The following STS variants were observed in gnomAD, a reference collection of about 807,000 sequenced individuals.
STS encodes the protein steryl-sulfatase.
A neutral mutation model predicts 26.8 loss-of-function variants in STS; 7 were observed. That is an observed-to-expected ratio of 0.26 (90% CI 0.15 to 0.49). STS has a LOEUF of 0.49. Among genes scored for constraint, STS ranks in the 20% least tolerant of loss-of-function variants. The pLI, the probability that STS is intolerant of heterozygous loss-of-function variation, is 0.98. For missense variants in STS, 434 were observed against 465.6 expected (o/e 0.93, Z 0.63); for synonymous variants, 199 against 189.4 (o/e 1.05, Z -0.42).
At chrX:7,216,894 G>A (rs1191087075) in intron 2 of STS, among the ~76,000 whole-genome samples, 1 of 111,716 alleles carries the variant, frequency 9.0e-6, no homozygotes, top group African/African-American at 3.3e-5. Flanking sequence ...GTGGGAGGAT[G>A]TTAAGGAGTA....
At chrX:7,306,074 T>A (rs772600458) in intron 8 of STS, among the ~76,000 whole-genome samples, 6 of 111,598 alleles carry the variant, frequency 5.4e-5, no homozygotes, top group Non-Finnish European at 1.1e-4. Flanking sequence ...ATCATGCTAG[T>A]CATTGGAGAT....
intron 2 of STS, among the ~76,000 whole-genome samples, chrX:7,204,422 C>T (rs1164026443): frequency 1.8e-5 from 2 of 110,903 alleles, no homozygotes; most frequent in Admixed American, 9.6e-5. Flanking sequence ...TTGTCTTTTG[C>T]CATTTTAAAA....
At position 7,212,142 on chromosome X, in the gene STS, G is replaced by A. The variant is rs750212626; in HGVS notation, c.-5+21134G>A. Among the ~76,000 whole-genome samples, 102 of 111,912 alleles carry A rather than the reference G, an allele frequency of 9.1e-4. 1 individual carries two copies. The highest frequency in any genetic ancestry group is 2.9e-3 in the African/African-American group (89 of 30,837). Reference sequence around the variant, plus strand: ...ATATGGCTAATGGAAGATGTGAATTGAGAAGGGGATGTGGTTATTAATGAT... The same window carrying A: ...ATATGGCTAATGGAAGATGTGAATTAAGAAGGGGATGTGGTTATTAATGAT... On this transcript the variant is annotated intron_variant, in intron 2 of 10. Coordinates refer to ENST00000674429, the MANE Select transcript of STS (RefSeq NM_001320752.2).
chrX:7,239,156 T>C (rs1458578586), intron 2 of STS, among the ~76,000 whole-genome samples: 1 of 111,925 alleles, frequency 8.9e-6, no homozygotes, highest in African/African-American at 3.2e-5. Flanking sequence ...ACATTTATTT[T>C]AGAAAAATCA....
intron 2 of STS, among the ~76,000 whole-genome samples, chrX:7,198,868 C>T (rs1480452809): frequency 8.9e-6 from 1 of 111,889 alleles, no homozygotes; most frequent in South Asian, 3.7e-4. Context: ...TCCAGTGAAC[C>T]TACCCAAGAT....
intron 1 of STS, among the ~76,000 whole-genome samples, chrX:7,185,917 C>T (rs1933764581): frequency 8.9e-6 from 1 of 112,497 alleles, no homozygotes; most frequent in South Asian, 3.7e-4. Flanking sequence ...GTTAACACAA[C>T]CAAGGACTGT....
At chrX:7,152,257 T>G (rs1347295365) in intron 1 of STS, among the ~76,000 whole-genome samples, 1 of 111,880 alleles carries the variant, frequency 8.9e-6, no homozygotes, top group Non-Finnish European at 1.9e-5. Flanking sequence ...CGGCCAGGAT[T>G]ATTATTTTAA....
chrX:7,296,699 C>T (rs1925683651), intron 7 of STS, among the ~76,000 whole-genome samples: 1 of 112,289 alleles, frequency 8.9e-6, no homozygotes, highest in African/African-American at 3.2e-5. Context: ...TAAATTATTT[C>T]CAGCAAATGC....
intron 6 of STS, among the ~76,000 whole-genome samples, chrX:7,271,460 C>T: frequency 9.0e-6 from 1 of 110,951 alleles, no homozygotes; most frequent in Non-Finnish European, 1.9e-5. Flanking sequence ...AGCTCTCTAA[C>T]ATACTGTGGC....
rs140152695 is a variant in STS, at chrX:7,318,996, A to G, written c.1082-6343A>G. ...TTGTTTTATTTTGCTTTGTTTTCAA[A>G]GTGGTTATACATCAAGCCATGTTCT... On this transcript the variant is annotated intron_variant, in intron 8 of 10. Transcript: ENST00000674429. 5.9e-3 allele frequency among the ~76,000 whole-genome samples: 656 copies of G among 111,705 alleles called. 8 individuals carry two copies. Among genetic ancestry groups the G allele is most frequent in the African/African-American group, 0.02 (622 of 30,784 alleles).
chrX:7,324,090 A>G (rs1927228868), intron 8 of STS, among the ~76,000 whole-genome samples: 1 of 110,513 alleles, frequency 9.0e-6, no homozygotes, highest in African/African-American at 3.3e-5. Flanking sequence ...TATACATTTT[A>G]GGGAGACATA....
intron 7 of STS, among the ~76,000 whole-genome samples, chrX:7,284,193 A>T (rs1433124640): frequency 3.6e-5 from 4 of 111,897 alleles, no homozygotes; most frequent in African/African-American, 1.3e-4. Flanking sequence ...TCATTCATTA[A>T]CTGAGCTTCC....
At chrX:7,274,562 G>T (rs1924438963) in intron 6 of STS, among the ~76,000 whole-genome samples, 1 of 112,013 alleles carries the variant, frequency 8.9e-6, no homozygotes, top group African/African-American at 3.2e-5. Flanking sequence ...GCACCCATGG[G>T]ACTTATTGAT....
chrX:7,300,851 G>A (rs1925929628), intron 7 of STS, among the ~76,000 whole-genome samples: 1 of 110,447 alleles, frequency 9.1e-6, no homozygotes, highest in Non-Finnish European at 1.9e-5. Context: ...GAGATATCCA[G>A]GGATAAGCAT....
intron 9 of STS, among the ~76,000 whole-genome samples, chrX:7,327,348 C>T (rs1264876925): frequency 1.8e-5 from 2 of 108,602 alleles, no homozygotes; most frequent in Non-Finnish European, 3.8e-5. Context: ...CTAGACCTTT[C>T]TAGACCTGCA....
intron 7 of STS, among the ~76,000 whole-genome samples, chrX:7,294,073 C>A (rs1925551721): frequency 9.0e-6 from 1 of 111,430 alleles, no homozygotes; most frequent in African/African-American, 3.3e-5. Flanking sequence ...AGTTGAAAAT[C>A]CATTGTATAG....
intron 2 of STS, among the ~76,000 whole-genome samples, chrX:7,237,240 A>G (rs1211330125): frequency 1.9e-5 from 2 of 107,470 alleles, no homozygotes; most frequent in African/African-American, 6.8e-5. Flanking sequence ...ACAAGTTCTT[A>G]GGAGAGAAAA....
intron 5 of STS, among the ~76,000 whole-genome samples, chrX:7,259,037 G>A (rs1267295599): frequency 1.8e-5 from 2 of 111,099 alleles, no homozygotes; most frequent in Non-Finnish European, 3.8e-5. Context: ...TTGTTTTGTT[G>A]AAATCACTAA....
intron 6 of STS, among the ~76,000 whole-genome samples, chrX:7,275,008 A>G (rs970556057): frequency 8.9e-5 from 10 of 111,877 alleles, no homozygotes; most frequent in African/African-American, 3.3e-4. Context: ...AACCTGGAGG[A>G]CATTCTGCTA....
Sources: gnomAD v4.1 joint callset for allele counts (sites outside exome capture counted in the v4.1 genomes callset) on GRCh38, gnomAD v4.1.1 for gene constraint, MANE v1.5 for transcripts, NCBI Gene and HGNC (gene_info 2026-07-23, HGNC 2026-07-21) for gene names.